RANBP10: variants seen among roughly 807,000 people sequenced by gnomAD.
RANBP10 encodes the protein RAN binding protein 10, also known as ran-binding protein 10.
Under a neutral mutation model 72.8 loss-of-function variants are expected in RANBP10, and 24 were observed. That is an observed-to-expected ratio of 0.33 (90% confidence interval 0.24 to 0.46). The LOEUF is 0.46. Ranked by LOEUF, RANBP10 falls within the 20% of genes least tolerant of loss-of-function variation. RANBP10 has a pLI of 1.00. For missense variants in RANBP10, 679 were observed against 817.5 expected, an observed-to-expected ratio of 0.83 and a Z score of 2.07; for synonymous variants, 310 against 322.3, an observed-to-expected ratio of 0.96 and a Z score of 0.41.
rs2053557638 is a variant in RANBP10 at position 67,723,344 on chromosome 16, A to G, written c.*3084T>C. Reference sequence around the variant, plus strand: ...AAAATGCCTGAGGCAGCCAGAGGCCACAATCTGGCCACAGGTCTGGGTGCA... The same window carrying G: ...AAAATGCCTGAGGCAGCCAGAGGCCGCAATCTGGCCACAGGTCTGGGTGCA... On this transcript the variant is annotated 3_prime_UTR_variant, in exon 14 of 14. Coordinates refer to ENST00000317506, the MANE Select transcript of RANBP10 (RefSeq NM_020850.3). 1.3e-5 allele frequency: 2 copies of G among 152,710 alleles called. No homozygotes were observed. The highest frequency in any genetic ancestry group is 6.5e-5 in the Admixed American group (1 of 15,290). 9.5% of individuals were successfully genotyped at this position (152,710 alleles called of 1,614,324 possible).
intron 3 of RANBP10, among the ~76,000 whole-genome samples, chr16:67,770,109 C>T (rs1191025500): frequency 6.6e-6 from 1 of 152,060 alleles, no homozygotes; most frequent in South Asian, 2.1e-4. Context: ...CTTTTCTCCA[C>T]TACCAACTCA....
chr16:67,758,224 C>A (rs1410965631), intron 3 of RANBP10, among the ~76,000 whole-genome samples: 2 of 152,204 alleles, frequency 1.3e-5, no homozygotes, highest in Non-Finnish European at 1.5e-5. Context: ...TCTGGCAGCA[C>A]TACCTGCCAA....
intron 2 of RANBP10, among the ~76,000 whole-genome samples, chr16:67,784,818 T>TA (rs1174073904): frequency 2.2e-3 from 264 of 120,716 alleles, no homozygotes; most frequent in Middle Eastern, 0.011. Context: ...AAACTCCATC[T>TA]AAAAAAAAAA....
chr16:67,769,184 G>A (rs923961050), intron 3 of RANBP10, among the ~76,000 whole-genome samples: 4 of 152,128 alleles, frequency 2.6e-5, no homozygotes, highest in African/African-American at 9.7e-5. Context: ...GCTCATGCCT[G>A]TAATCTCAGC....
chr16:67,736,440 C>T (rs999658094), intron 5 of RANBP10, among the ~76,000 whole-genome samples: 2 of 152,208 alleles, frequency 1.3e-5, no homozygotes, highest in African/African-American at 4.8e-5. Context: ...GGATCACAAG[C>T]GTGAGCCAGC....
intron 2 of RANBP10, among the ~76,000 whole-genome samples, chr16:67,804,692 A>G (rs1301576602): frequency 6.6e-6 from 1 of 151,786 alleles, no homozygotes; most frequent in African/African-American, 2.4e-5. Context: ...TATGCCAGTT[A>G]ATTTTTTTGT....
At chr16:67,732,833 G>A (rs922377194) in intron 6 of RANBP10, among the ~76,000 whole-genome samples, 4 of 149,318 alleles carry the variant, frequency 2.7e-5, no homozygotes, top group South Asian at 2.1e-4. Context: ...GGATCACAAG[G>A]TCAGGAGATC....
chr16:67,805,573 G>A, intron 1 of RANBP10, 34 bp from the exon 2 acceptor site: 1 of 1,576,770 alleles, frequency 6.3e-7, no homozygotes, highest in East Asian at 2.3e-5. Context: ...AATTTCAGCA[G>A]AAGGAAATGC....
rs539867555 is a variant in RANBP10 at position 67,725,812 on chromosome 16, G to C, written c.*616C>G. 1.3e-5 allele frequency: 2 copies of C among 152,476 alleles called. No individual in the cohort carries two copies. The highest frequency in any genetic ancestry group is 1.9e-4 in the East Asian group (1 of 5,198). The allele number at this position is 152,476 out of a possible 1,614,324, so 9.4% of individuals were successfully genotyped here. On this transcript the variant is annotated 3_prime_UTR_variant, in exon 14 of 14. Transcript: ENST00000317506. The stretch of plus-strand genomic sequence containing the variant: ...GCAGCTCGGCCTGTGACTCAAAAAA[G>C]GGGGAGCAAAAAATAAATCACTTGG...
intron 2 of RANBP10, among the ~76,000 whole-genome samples, chr16:67,782,656 A>T (rs933610805): frequency 1.3e-5 from 2 of 151,522 alleles, no homozygotes; most frequent in African/African-American, 2.4e-5. Flanking sequence ...GTTTCACTAT[A>T]TGTTGGCCAG....
chr16:67,744,536 C>T (rs1241011993), intron 3 of RANBP10, 81 bp from the exon 4 acceptor site: 1 of 1,418,246 alleles, frequency 7.1e-7, no homozygotes, highest in Non-Finnish European at 9.6e-7. Context: ...ACCCAGGTCT[C>T]TCAGCCTCTC....
chr16:67,724,496 T>C lies in RANBP10; in HGVS notation c.*1932A>G. 1 of 152,242 alleles carries C rather than the reference T, an allele frequency of 6.6e-6. No individual in the cohort carries two copies. The highest frequency in any genetic ancestry group is 6.5e-5 in the Admixed American group (1 of 15,288). The allele number at this position is 152,242 out of a possible 1,614,324, so 9.4% of individuals were successfully genotyped here. On this transcript the variant is annotated 3_prime_UTR_variant, in exon 14 of 14. Transcript: ENST00000317506. ...AGCCTGATGTCTCCAACTTCTGGGT[T>C]TGGGAGCTAGGTAGCCCCAGGCTGT...
chr16:67,775,777 G>A (rs963889861), intron 2 of RANBP10, among the ~76,000 whole-genome samples: 84 of 134,384 alleles, frequency 6.3e-4, no homozygotes, highest in African/African-American at 1.8e-3. Flanking sequence ...GGGTGACAGA[G>A]TGAGACTCCG....
intron 2 of RANBP10, among the ~76,000 whole-genome samples, chr16:67,779,896 T>A (rs141805768): frequency 6.7e-4 from 102 of 152,140 alleles, no homozygotes; most frequent in African/African-American, 2.2e-3. Context: ...CAAGGCCTGG[T>A]AAAGTAAATG....
At chr16:67,771,052 C>T (rs116908316) in intron 3 of RANBP10, among the ~76,000 whole-genome samples, 4,504 of 152,256 alleles carry the variant, frequency 0.03, 98 homozygotes, top group Middle Eastern at 0.16. Flanking sequence ...GGCTTGAGCC[C>T]AGGAGTTCAA....
intron 10 of RANBP10, 167 bp from the exon 11 acceptor site, chr16:67,728,678 TG>T: frequency 1.6e-6 from 2 of 1,273,356 alleles, no homozygotes; most frequent in Non-Finnish European, 2.1e-6. Flanking sequence ...TGGCCCCTAC[TG>T]TGACACCAGC....
At chr16:67,774,754 AC>A (rs1363148997) in intron 2 of RANBP10, among the ~76,000 whole-genome samples, 12 of 152,168 alleles carry the variant, frequency 7.9e-5, no homozygotes, top group African/African-American at 2.7e-4. Flanking sequence ...CTCTTCAAAT[AC>A]TGGGTGACAT....
At chr16:67,755,153 G>C (rs997009235) in intron 3 of RANBP10, among the ~76,000 whole-genome samples, 1 of 152,126 alleles carries the variant, frequency 6.6e-6, no homozygotes, top group Non-Finnish European at 1.5e-5. Context: ...TTAAGGGGGG[G>C]TCCAGCAATT....
chr16:67,744,335 T>G lies in RANBP10; in HGVS notation c.521A>C (p.Asn174Thr). 1 of 1,614,140 alleles carries G rather than the reference T, an allele frequency of 6.2e-7. No individual in the cohort carries two copies. The highest frequency in any genetic ancestry group is 8.5e-7 in the Non-Finnish European group (1 of 1,180,022). Residue 174 changes from asparagine (N) to threonine (T), a missense_variant, in exon 4 of 14, where the codon AAC (asparagine) becomes ACC (threonine). Transcript: ENST00000317506. ...TTGDVIGCCV[N>T]LINGTCFYTK... is the part of the protein sequence containing the mutation. ...GTAGAAGCAGGTGCCATTGATGAGG[T>G]TGACACAGCAGCCGATCACGTCTCC...
Sources: allele counts gnomAD v4.1 joint callset (sites outside exome capture counted in the v4.1 genomes callset), GRCh38; gene constraint gnomAD v4.1.1; transcripts MANE v1.5; gene names NCBI Gene and HGNC (gene_info 2026-07-23, HGNC 2026-07-21).